Variants in C12orf54 observed in about 807,000 individuals in gnomAD.
The protein encoded by C12orf54 is uncharacterized protein C12orf54.
C12orf54 carries 24 observed loss-of-function variants against 26.4 expected under a neutral mutation model. The ratio of observed to expected loss-of-function variants is 0.91; its 90% CI spans 0.66 to 1.28. The LOEUF (loss-of-function observed/expected upper bound fraction) is 1.28. Ranked by LOEUF, C12orf54 falls within the 50% of genes most tolerant of loss-of-function variation. The probability of loss-of-function intolerance (pLI) is 0.00; values close to 1 mark genes in which losing one functional copy is unlikely to be tolerated. For synonymous variants in C12orf54, 54 were observed against 47.0 expected (o/e 1.15, Z -0.61); for missense variants, 154 against 150.9 (o/e 1.02, Z -0.11).
chr12:48,447,117 A>G, the C12orf54 span, among the ~76,000 whole-genome samples: 2 of 151,962 alleles, frequency 1.3e-5, no homozygotes, highest in African/African-American at 4.8e-5. Context: ...TGAAGATATC[A>G]CTACACTGTC....
At chr12:48,472,888 G>C in the C12orf54 span, 7 of 1,614,150 alleles carry the variant, frequency 4.3e-6, no homozygotes, top group South Asian at 6.6e-5. Flanking sequence ...AGCAGTAACA[G>C]AGCCTCAGTG....
the C12orf54 span, among the ~76,000 whole-genome samples, chr12:48,475,019 C>G: frequency 1.3e-5 from 2 of 152,198 alleles, no homozygotes; most frequent in Non-Finnish European, 2.9e-5. Flanking sequence ...ACTGACACCT[C>G]ACACAGCCGG....
intron 6 of C12orf54, among the ~76,000 whole-genome samples, chr12:48,491,910 C>A (rs1486961904): frequency 6.6e-6 from 1 of 152,118 alleles, no homozygotes. Flanking sequence ...ATTCTGAGAT[C>A]TGAGGTTCTA....
the C12orf54 span, among the ~76,000 whole-genome samples, chr12:48,437,430 C>A: frequency 6.6e-6 from 1 of 152,082 alleles, no homozygotes; most frequent in Non-Finnish European, 1.5e-5. Context: ...ATACCAAAGC[C>A]GGGCAGAGAC....
the C12orf54 span, among the ~76,000 whole-genome samples, chr12:48,455,738 CT>C: frequency 6.6e-6 from 1 of 152,194 alleles, no homozygotes; most frequent in Non-Finnish European, 1.5e-5. Context: ...GAGATACCCC[CT>C]GCACTGTGTA....
At chr12:48,420,914 A>G in the C12orf54 span, among the ~76,000 whole-genome samples, 1 of 151,988 alleles carries the variant, frequency 6.6e-6, no homozygotes, top group Admixed American at 6.6e-5. Flanking sequence ...TTTAATTTTA[A>G]CTCATGCACA....
the C12orf54 span, among the ~76,000 whole-genome samples, chr12:48,427,756 AG>A: frequency 2.0e-5 from 3 of 152,134 alleles, no homozygotes; most frequent in South Asian, 6.2e-4. Context: ...AGCACTAGAC[AG>A]GTCATCAAGA....
the C12orf54 span, among the ~76,000 whole-genome samples, chr12:48,476,050 G>A: frequency 2.1e-3 from 322 of 152,080 alleles, 1 homozygote; most frequent in East Asian, 0.022. Flanking sequence ...CTGATCTCTC[G>A]GCAGAAACTC....
At chr12:48,427,463 G>T in the C12orf54 span, among the ~76,000 whole-genome samples, 1 of 152,170 alleles carries the variant, frequency 6.6e-6, no homozygotes, top group East Asian at 1.9e-4. Context: ...TTAATGTGCT[G>T]CTGGATTCAG....
chr12:48,443,408 G>T, the C12orf54 span, among the ~76,000 whole-genome samples: 1 of 152,172 alleles, frequency 6.6e-6, no homozygotes, highest in Admixed American at 6.5e-5. Flanking sequence ...CAGATTTGGT[G>T]TTGGGGAGGA....
chr12:48,453,766 A>G, the C12orf54 span, among the ~76,000 whole-genome samples: 1 of 151,128 alleles, frequency 6.6e-6, no homozygotes, highest in South Asian at 2.1e-4. Flanking sequence ...CACACACACA[A>G]TATATATGAA....
chr12:48,494,998 C>G lies in C12orf54; in HGVS notation c.*40+19C>G. 6.4e-7 allele frequency: 1 copy of G among 1,560,742 alleles called. No homozygotes were observed. The highest frequency in any genetic ancestry group is 8.8e-7 in the Non-Finnish European group (1 of 1,138,384). Reference sequence around the variant, plus strand: ...CCGCCAGGTGCTTTACCCAAGCAGCCTTTCCCCTGAGCTCCACCCTGCCCA... The same window carrying G: ...CCGCCAGGTGCTTTACCCAAGCAGCGTTTCCCCTGAGCTCCACCCTGCCCA... On this transcript the variant is annotated intron_variant, in intron 8 of 8. Coordinates refer to ENST00000548364, the MANE Select transcript of C12orf54 (RefSeq NM_152319.4).
the C12orf54 span, among the ~76,000 whole-genome samples, chr12:48,420,594 CTG>C: frequency 6.6e-6 from 1 of 152,182 alleles, no homozygotes; most frequent in Non-Finnish European, 1.5e-5. Flanking sequence ...CTCCCAGTCT[CTG>C]TGGGAGGATA....
At chr12:48,425,282 G>A in the C12orf54 span, among the ~76,000 whole-genome samples, 1 of 151,914 alleles carries the variant, frequency 6.6e-6, no homozygotes, top group Admixed American at 6.6e-5. Context: ...CCCTCTTTAT[G>A]CCCATGTGTT....
the C12orf54 span, among the ~76,000 whole-genome samples, chr12:48,473,839 C>T: frequency 6.6e-6 from 1 of 152,190 alleles, no homozygotes; most frequent in Non-Finnish European, 1.5e-5. Context: ...CCAGCCATAG[C>T]TTTTGCTTTG....
the C12orf54 span, among the ~76,000 whole-genome samples, chr12:48,431,096 A>T: frequency 6.6e-6 from 1 of 152,154 alleles, no homozygotes; most frequent in Admixed American, 6.5e-5. Flanking sequence ...GACCTAAGCT[A>T]TGAGGATGCA....
chr12:48,414,132 A>T, the C12orf54 span, among the ~76,000 whole-genome samples: 1 of 152,226 alleles, frequency 6.6e-6, no homozygotes, highest in Non-Finnish European at 1.5e-5. Flanking sequence ...TCTGTTCATG[A>T]CCTACTTTTG....
chr12:48,422,434 C>T, the C12orf54 span, among the ~76,000 whole-genome samples: 1 of 152,066 alleles, frequency 6.6e-6, no homozygotes, highest in African/African-American at 2.4e-5. Flanking sequence ...TGAATTATGT[C>T]GGGAGGCCAT....
chr12:48,457,271 T>G, the C12orf54 span, among the ~76,000 whole-genome samples: 4 of 133,166 alleles, frequency 3.0e-5, no homozygotes, highest in Admixed American at 8.6e-5. Context: ...CAAGCAGTTT[T>G]TTGTTGTTGT....
Sources: gnomAD v4.1 joint callset for allele counts (sites outside exome capture counted in the v4.1 genomes callset) on GRCh38, gnomAD v4.1.1 for gene constraint, MANE v1.5 for transcripts, NCBI Gene and HGNC (gene_info 2026-07-23, HGNC 2026-07-21) for gene names.